Variants in DCLK1 observed in about 807,000 individuals in gnomAD.
DCLK1 encodes the protein doublecortin like kinase 1.
In DCLK1, 16 loss-of-function variants were observed where a neutral mutation model predicts 86.2. The ratio of observed to expected loss-of-function variants is 0.19; its 90% CI spans 0.13 to 0.28. The LOEUF is 0.28. DCLK1 is among the 10% of genes least tolerant of loss of function. The pLI, the probability that DCLK1 is intolerant of heterozygous loss-of-function variation, is 1.00. For missense variants in DCLK1, 590 were observed against 940.2 expected (o/e 0.63, Z 4.87); for synonymous variants, 369 against 370.5 (o/e 1.00, Z 0.05).
Position 36,073,713 on chromosome 13 carries a change from T to C in DCLK1, c.723+38156A>G, listed in dbSNP as rs558169947. 2.6e-4 allele frequency among the ~76,000 whole-genome samples: 39 copies of C among 152,210 alleles called. No individual in the cohort carries two copies. In the East Asian group the frequency reaches 6.2e-3, roughly 24 times the overall value. On this transcript the variant is annotated intron_variant, in intron 3 of 16. Coordinates refer to ENST00000360631, the MANE Select transcript of DCLK1 (RefSeq NM_001330071.2). ...CTCTGTCTGGCTCACACCTGAACTA[T>C]GGAAATGGAGCTTGCACATGTCCTT...
intron 16 of DCLK1, among the ~76,000 whole-genome samples, chr13:35,780,759 C>T (rs1593581598): frequency 6.6e-6 from 1 of 152,232 alleles, no homozygotes; most frequent in Admixed American, 6.5e-5. Flanking sequence ...GATGCTAGAT[C>T]AAGTGTGAAA....
At chr13:36,055,434 G>A (rs573299781) in intron 3 of DCLK1, among the ~76,000 whole-genome samples, 1 of 152,080 alleles carries the variant, frequency 6.6e-6, no homozygotes, top group Non-Finnish European at 1.5e-5. Flanking sequence ...CTAACCAGCT[G>A]GCTTTCTTTC....
At chr13:35,968,604 G>C (rs770231368) in intron 3 of DCLK1, among the ~76,000 whole-genome samples, 2 of 152,118 alleles carry the variant, frequency 1.3e-5, no homozygotes, top group African/African-American at 4.8e-5. Context: ...TAGCCCACCT[G>C]ACTGTTGATC....
intron 3 of DCLK1, among the ~76,000 whole-genome samples, chr13:36,052,499 T>G (rs1883160993): frequency 6.6e-6 from 1 of 152,154 alleles, no homozygotes; most frequent in South Asian, 2.1e-4. Flanking sequence ...GGTTGATAAT[T>G]CATTCATTCT....
intron 3 of DCLK1, among the ~76,000 whole-genome samples, chr13:35,976,624 G>A (rs1253329316): frequency 5.4e-5 from 8 of 148,322 alleles, no homozygotes; most frequent in East Asian, 4.0e-4. Flanking sequence ...TCCGCCTCCC[G>A]GGTTCATTTC....
chr13:35,855,626 T>C, intron 5 of DCLK1: 1 of 1,515,970 alleles, frequency 6.6e-7, no homozygotes. Flanking sequence ...TGGATGAGTT[T>C]AAGGATGGCT....
At chr13:36,070,445 G>C (rs1453307987) in intron 3 of DCLK1, among the ~76,000 whole-genome samples, 1 of 152,136 alleles carries the variant, frequency 6.6e-6, no homozygotes. Context: ...AGTCACCCCA[G>C]TTTTTGGTCA....
chr13:36,037,161 G>T (rs1286261959), intron 3 of DCLK1, among the ~76,000 whole-genome samples: 4 of 152,002 alleles, frequency 2.6e-5, no homozygotes, highest in African/African-American at 7.2e-5. Context: ...AATATCACCT[G>T]TTCTCTCTCA....
At chr13:35,805,958 A>G (rs1046518550) in intron 14 of DCLK1, among the ~76,000 whole-genome samples, 179 bp from the exon 15 acceptor site, 3 of 152,228 alleles carry the variant, frequency 2.0e-5, no homozygotes, top group Admixed American at 1.3e-4. Flanking sequence ...AATGGTAAGC[A>G]CTTGGAATTG....
chr13:35,846,000 A>C, intron 6 of DCLK1: 1 of 985,460 alleles, frequency 1.0e-6, no homozygotes, highest in African/African-American at 1.7e-5. Context: ...CACAAGGTAC[A>C]ACATTTTACA....
intron 3 of DCLK1, among the ~76,000 whole-genome samples, chr13:35,957,510 C>T (rs1283982083): frequency 6.6e-6 from 1 of 152,102 alleles, no homozygotes; most frequent in Non-Finnish European, 1.5e-5. Context: ...CTCACAAGGA[C>T]TCTTTGGTAA....
chr13:35,776,109 A>C (rs2086420372), intron 16 of DCLK1, among the ~76,000 whole-genome samples: 3 of 152,222 alleles, frequency 2.0e-5, no homozygotes, highest in African/African-American at 7.2e-5. Flanking sequence ...TGGTCTGTTG[A>C]AACGTCTACC....
chr13:36,065,859 A>T (rs1939853165), intron 3 of DCLK1, among the ~76,000 whole-genome samples: 1 of 152,232 alleles, frequency 6.6e-6, no homozygotes. Flanking sequence ...AAAAGAATAG[A>T]GGATATAAAA....
chr13:35,805,470 G>T, intron 15 of DCLK1: 2 of 438,734 alleles, frequency 4.6e-6, no homozygotes, highest in South Asian at 4.5e-5. Context: ...CTAATTTTTT[G>T]TATTTTTTGG....
At chr13:36,103,976 C>T (rs1197547107) in intron 3 of DCLK1, among the ~76,000 whole-genome samples, 1 of 152,154 alleles carries the variant, frequency 6.6e-6, no homozygotes, top group African/African-American at 2.4e-5. Flanking sequence ...ATCTATTGTT[C>T]CCCCACAAAA....
intron 5 of DCLK1, among the ~76,000 whole-genome samples, chr13:35,866,540 C>T (rs1593678156): frequency 6.6e-6 from 1 of 151,406 alleles, no homozygotes; most frequent in East Asian, 1.9e-4. Flanking sequence ...GCAACCTCTG[C>T]CTCCCAGTGT....
chr13:35,986,496 G>A (rs753209162), intron 3 of DCLK1, among the ~76,000 whole-genome samples: 8 of 151,892 alleles, frequency 5.3e-5, no homozygotes, highest in Non-Finnish European at 1.0e-4. Flanking sequence ...ACCTTGGCTC[G>A]TACACATGCT....
intron 3 of DCLK1, among the ~76,000 whole-genome samples, chr13:35,974,262 C>G (rs922049076): frequency 6.6e-6 from 1 of 152,102 alleles, no homozygotes; most frequent in Non-Finnish European, 1.5e-5. Context: ...AAGAGAGGAC[C>G]TTGACACAGA....
intron 4 of DCLK1, among the ~76,000 whole-genome samples, chr13:35,908,896 A>G (rs1273794322): frequency 6.6e-6 from 1 of 152,192 alleles, no homozygotes; most frequent in Non-Finnish European, 1.5e-5. Flanking sequence ...TCGGTCTCCC[A>G]AAGTGTTAGG....
Sources: allele counts gnomAD v4.1 joint callset (sites outside exome capture counted in the v4.1 genomes callset), GRCh38; gene constraint gnomAD v4.1.1; transcripts MANE v1.5; gene names NCBI Gene and HGNC (gene_info 2026-07-23, HGNC 2026-07-21).